LRP1B: variants seen among roughly 807,000 people sequenced by gnomAD.
LRP1B encodes LDL receptor related protein 1B, also known as low-density lipoprotein receptor-related protein 1B.
A neutral mutation model predicts 556.6 loss-of-function variants in LRP1B; 217 were observed. The observed-to-expected ratio is 0.39, with a 90% CI of 0.35 to 0.44. The LOEUF (loss-of-function observed/expected upper bound fraction) is 0.44. Ranked by LOEUF, LRP1B falls within the 20% of genes least tolerant of loss-of-function variation. The pLI, the probability that LRP1B is intolerant of heterozygous loss-of-function variation, is 1.00. For missense variants in LRP1B, 5,053 were observed against 5,620.8 expected (o/e 0.90, Z 3.23); for synonymous variants, 2,047 against 1,865.8 (o/e 1.10, Z -2.50).
chr2:140,594,632 T>C (rs1261476220), intron 43 of LRP1B, among the ~76,000 whole-genome samples: 1 of 152,216 alleles, frequency 6.6e-6, no homozygotes, highest in Non-Finnish European at 1.5e-5. Flanking sequence ...AAAGATACAC[T>C]GTATCTAATA....
chr2:140,506,126 T>TA (rs1254210118), intron 53 of LRP1B, among the ~76,000 whole-genome samples: 1 of 152,226 alleles, frequency 6.6e-6, no homozygotes, highest in Non-Finnish European at 1.5e-5. Context: ...ATGTTTTTTT[T>TA]ACTCAAATAT....
At chr2:140,481,578 T>TTTA (rs539100695) in intron 59 of LRP1B, among the ~76,000 whole-genome samples, 44,761 of 136,764 alleles carry the variant, frequency 0.33, 7,252 homozygotes, top group East Asian at 0.51. Context: ...GGTAGCCATC[T>TTTA]TTATTATTAT....
intron 32 of LRP1B, among the ~76,000 whole-genome samples, chr2:140,786,355 A>G (rs965907762): frequency 1.3e-5 from 2 of 152,248 alleles, no homozygotes; most frequent in Admixed American, 1.3e-4. Flanking sequence ...ATATCTATAT[A>G]TGAGAGTGAA....
At chr2:140,362,921 T>A (rs980539120) in intron 72 of LRP1B, among the ~76,000 whole-genome samples, 6 of 151,640 alleles carry the variant, frequency 4.0e-5, no homozygotes, top group Admixed American at 3.3e-4. Flanking sequence ...TTCATCATTA[T>A]ATCACCAAAA....
chr2:140,900,773 A>G (rs989282599), intron 23 of LRP1B, among the ~76,000 whole-genome samples: 14 of 151,950 alleles, frequency 9.2e-5, no homozygotes, highest in African/African-American at 3.4e-4. Flanking sequence ...TAAAAATGTG[A>G]TCACATATAT....
At chr2:140,526,107 A>T (rs1690421119) in intron 48 of LRP1B, 114 bp from the exon 49 acceptor site, 2 of 1,347,472 alleles carry the variant, frequency 1.5e-6, no homozygotes, top group Non-Finnish European at 2.1e-6. Context: ...ATAGATACGT[A>T]ATTATCCCAC....
chr2:140,951,819 C>T (rs941889732), intron 19 of LRP1B, 41 bp downstream of exon 19: 2 of 1,500,394 alleles, frequency 1.3e-6, no homozygotes, highest in African/African-American at 2.7e-5. Flanking sequence ...CGCCAAGCCC[C>T]CGATCAAATT....
At chr2:141,773,630 C>T (rs1694968677) in intron 2 of LRP1B, among the ~76,000 whole-genome samples, 1 of 152,236 alleles carries the variant, frequency 6.6e-6, no homozygotes, top group South Asian at 2.1e-4. Context: ...TGCCCTTAGG[C>T]TTCTGCCTCT....
At chr2:141,579,710 C>T (rs1371426646) in intron 2 of LRP1B, among the ~76,000 whole-genome samples, 2 of 125,790 alleles carry the variant, frequency 1.6e-5, no homozygotes, top group Non-Finnish European at 3.3e-5. Context: ...ATAAGGAAAA[C>T]ATATCAGGTT....
intron 55 of LRP1B, among the ~76,000 whole-genome samples, chr2:140,497,158 A>G (rs1322746242): frequency 6.6e-6 from 1 of 152,006 alleles, no homozygotes; most frequent in South Asian, 2.1e-4. Context: ...TTTACAAGAA[A>G]TGAAACCCTT....
At chr2:140,821,998 CAAAAAAAAAA>C (rs1691346060) in intron 31 of LRP1B, among the ~76,000 whole-genome samples, 1 of 117,908 alleles carries the variant, frequency 8.5e-6, no homozygotes, top group African/African-American at 3.1e-5. Flanking sequence ...GACTCCGTCT[CAAAAAAAAAA>C]GAAAAAAAAA....
chr2:140,768,806 G>T (rs77780034), intron 35 of LRP1B, among the ~76,000 whole-genome samples: 3,581 of 151,844 alleles, frequency 0.024, 78 homozygotes, highest in South Asian at 0.098. Flanking sequence ...ATTTGCCACC[G>T]CTTGTATTAC....
intron 39 of LRP1B, 109 bp from the exon 40 acceptor site, chr2:140,701,954 CTTTAGTCTG>C: frequency 1.6e-5 from 22 of 1,417,522 alleles, no homozygotes; most frequent in Non-Finnish European, 2.1e-5. Context: ...AAGAAACCAA[CTTTAGTCTG>C]TGACATTGAA....
At chr2:141,423,014 CT>C in intron 3 of LRP1B, among the ~76,000 whole-genome samples, 1 of 152,148 alleles carries the variant, frequency 6.6e-6, no homozygotes, top group South Asian at 2.1e-4. Flanking sequence ...TCTAGATTAC[CT>C]TTTTTTATGA....
At chr2:140,360,862 A>C (rs981454983) in intron 72 of LRP1B, among the ~76,000 whole-genome samples, 7 of 151,590 alleles carry the variant, frequency 4.6e-5, no homozygotes, top group Non-Finnish European at 7.4e-5. Context: ...TAACTTATAG[A>C]AACAGTTGCA....
intron 41 of LRP1B, among the ~76,000 whole-genome samples, chr2:140,697,763 T>C (rs969800299): frequency 6.6e-5 from 10 of 152,068 alleles, no homozygotes; most frequent in Non-Finnish European, 1.2e-4. Flanking sequence ...AAATATCCAT[T>C]ACCAAGGGCC....
intron 1 of LRP1B, among the ~76,000 whole-genome samples, chr2:141,984,316 A>C (rs1702124529): frequency 6.6e-6 from 1 of 152,048 alleles, no homozygotes; most frequent in Non-Finnish European, 1.5e-5. Flanking sequence ...ATGAATAAAA[A>C]TTTGGGAAAG....
intron 1 of LRP1B, among the ~76,000 whole-genome samples, chr2:142,078,204 T>G (rs571603815): frequency 6.6e-6 from 1 of 152,222 alleles, no homozygotes; most frequent in South Asian, 2.1e-4. Context: ...AAATGTACAT[T>G]TTCTCAACCT....
chr2:141,810,148 AGAAAGAAAGAAAGAAAGAAG>A (rs879682499), intron 2 of LRP1B, 111 bp downstream of exon 2: 25,094 of 488,908 alleles, frequency 0.051, 1,231 homozygotes, highest in African/African-American at 0.1. Context: ...AAAGAAAGAA[AGAAAGAAAGAAAGAAAGAAG>A]GAAAGAAAGA....
Sources: gnomAD v4.1 joint callset for allele counts (sites outside exome capture counted in the v4.1 genomes callset) on GRCh38, gnomAD v4.1.1 for gene constraint, MANE v1.5 for transcripts, NCBI Gene and HGNC (gene_info 2026-07-23, HGNC 2026-07-21) for gene names.